SP140: variants seen among roughly 807,000 people sequenced by gnomAD.
SP140 encodes the protein nuclear body protein SP140.
Under a neutral mutation model 125.0 loss-of-function variants are expected in SP140, and 81 were observed. That is an observed-to-expected ratio of 0.65 (90% CI 0.54 to 0.78). The LOEUF (loss-of-function observed/expected upper bound fraction) is 0.78, where lower values mean the gene tolerates loss of function less well. SP140 is among the 30% of genes least tolerant of loss of function. SP140 has a pLI of 0.00. For synonymous variants in SP140, 312 were observed against 354.0 expected (o/e 0.88, Z 1.33); for missense variants, 858 against 1,037.0 (o/e 0.83, Z 2.37).
intron 3 of SP140, chr2:230,220,210 A>T (rs957913780): frequency 1.3e-5 from 4 of 304,756 alleles, no homozygotes; most frequent in African/African-American, 9.0e-5. Context: ...GAGGAGGCAT[A>T]AGGGTACAGC....
chr2:230,286,805 A>T (rs1181300777), intron 17 of SP140, among the ~76,000 whole-genome samples: 1 of 151,692 alleles, frequency 6.6e-6, no homozygotes, highest in East Asian at 1.9e-4. Flanking sequence ...TCCCAATGAA[A>T]CTCTCATTTC....
chr2:230,199,141 TA>T (rs1382285623), upstream of SP140, among the ~76,000 whole-genome samples: 556 of 134,188 alleles, frequency 4.1e-3, 3 homozygotes, highest in African/African-American at 0.018. Flanking sequence ...TTATTATTAT[TA>T]TTATTATTTT....
At chr2:230,231,733 G>A (rs1415709223) in intron 1 of SP140, among the ~76,000 whole-genome samples, 1 of 151,604 alleles carries the variant, frequency 6.6e-6, no homozygotes, top group African/African-American at 2.4e-5. Flanking sequence ...TTGAGATGGA[G>A]TCTTGCTTTG....
chr2:230,206,649 T>C (rs1222247124), intron 1 of SP140, among the ~76,000 whole-genome samples: 2 of 88,758 alleles, frequency 2.3e-5, no homozygotes, highest in African/African-American at 7.9e-5. Context: ...GGACCACACT[T>C]TTTCAGTGAG....
intron 22 of SP140, among the ~76,000 whole-genome samples, chr2:230,298,283 C>T (rs1559910): frequency 6.6e-6 from 1 of 152,058 alleles, no homozygotes; most frequent in Admixed American, 6.5e-5. Context: ...TGTTTTAGGC[C>T]GGGTCACCTT....
intron 3 of SP140, among the ~76,000 whole-genome samples, chr2:230,214,478 T>C (rs1313645081): frequency 1.3e-5 from 2 of 152,236 alleles, no homozygotes; most frequent in African/African-American, 2.4e-5. Context: ...GTCAGTCAAA[T>C]GGGGTTAAAA....
intron 1 of SP140, among the ~76,000 whole-genome samples, chr2:230,231,517 A>G (rs1250656493): frequency 2.6e-5 from 4 of 151,030 alleles, no homozygotes; most frequent in Admixed American, 1.3e-4. Context: ...TTCTCTGAGA[A>G]CTCCTTTTTA....
At chr2:230,193,027 G>A in the SP140 span, among the ~76,000 whole-genome samples, 1 of 152,066 alleles carries the variant, frequency 6.6e-6, no homozygotes, top group Non-Finnish European at 1.5e-5. Flanking sequence ...ATGAATCTGG[G>A]AGCTCCAGTG....
At chr2:230,268,057 C>T (rs2053388307) in intron 12 of SP140, among the ~76,000 whole-genome samples, 1 of 152,138 alleles carries the variant, frequency 6.6e-6, no homozygotes, top group African/African-American at 2.4e-5. Flanking sequence ...ATTCAGAAAG[C>T]ACAGGAAAAT....
chr2:230,251,122 C>T, intron 10 of SP140, 61 bp downstream of exon 10: 1 of 1,352,144 alleles, frequency 7.4e-7, no homozygotes, highest in Non-Finnish European at 1.1e-6. Flanking sequence ...GAATTTGGAG[C>T]TTGTGTTTCC....
chr2:230,224,218 A>T (rs2046054809), upstream of SP140, among the ~76,000 whole-genome samples: 1 of 152,214 alleles, frequency 6.6e-6, no homozygotes, highest in Non-Finnish European at 1.5e-5. Context: ...TGTGCTTATA[A>T]GCAAAAGAAG....
intron 1 of SP140, among the ~76,000 whole-genome samples, chr2:230,234,134 A>G: frequency 6.6e-6 from 1 of 152,186 alleles, no homozygotes; most frequent in East Asian, 1.9e-4. Context: ...AATTCGTCCT[A>G]CACAGTGTCA....
chr2:230,269,656 G>GT, intron 13 of SP140, 38 bp downstream of exon 13: 1 of 1,296,528 alleles, frequency 7.7e-7, no homozygotes, highest in East Asian at 2.3e-5. Context: ...CAGAAACAGA[G>GT]TTCTGATAAA....
At chr2:230,222,709 AAGATAC>A (rs1470958633), upstream of SP140, among the ~76,000 whole-genome samples, 2 of 151,946 alleles carry the variant, frequency 1.3e-5, no homozygotes, top group African/African-American at 4.8e-5. Flanking sequence ...AAAAAAAAAA[AAGATAC>A]AGACCATTTC....
chr2:230,314,533 G>A (rs1373251413), downstream of SP140, among the ~76,000 whole-genome samples: 1 of 152,234 alleles, frequency 6.6e-6, no homozygotes, highest in Non-Finnish European at 1.5e-5. Flanking sequence ...ATGGGCCAAA[G>A]GTGATGATTC....
intron 22 of SP140, among the ~76,000 whole-genome samples, chr2:230,301,094 A>G (rs1395589445): frequency 6.6e-6 from 1 of 152,214 alleles, no homozygotes; most frequent in Non-Finnish European, 1.5e-5. Context: ...ACCCAATCCA[A>G]CAAGAAAAAA....
intron 1 of SP140, among the ~76,000 whole-genome samples, chr2:230,233,823 G>A (rs570818594): frequency 7.9e-5 from 12 of 152,146 alleles, no homozygotes; most frequent in African/African-American, 2.4e-4. Flanking sequence ...CATTCAATCC[G>A]TTGTGACATC....
downstream of SP140, among the ~76,000 whole-genome samples, chr2:230,314,863 G>A (rs1178611088): frequency 1.3e-5 from 2 of 152,200 alleles, no homozygotes; most frequent in African/African-American, 4.8e-5. Context: ...ATAATGCTAG[G>A]GATGTTTTAT....
chr2:230,216,740 G>T (rs201151047), intron 3 of SP140: 20 of 1,611,460 alleles, frequency 1.2e-5, no homozygotes, highest in East Asian at 8.9e-5. Flanking sequence ...AGGCATATTG[G>T]TGGGGGCTGG....
Sources: gnomAD v4.1 joint callset for allele counts (sites outside exome capture counted in the v4.1 genomes callset) on GRCh38, gnomAD v4.1.1 for gene constraint, MANE v1.5 for transcripts, NCBI Gene and HGNC (gene_info 2026-07-23, HGNC 2026-07-21) for gene names.